Variants in NINL observed in about 807,000 individuals in gnomAD.
NINL encodes the protein ninein-like protein.
Under a neutral mutation model 160.3 loss-of-function variants are expected in NINL, and 153 were observed. The ratio of observed to expected loss-of-function variants is 0.95; its 90% CI spans 0.84 to 1.09. The LOEUF (loss-of-function observed/expected upper bound fraction) is 1.09, where lower values mean the gene tolerates loss of function less well. Among genes scored for constraint, NINL ranks in the 50% least tolerant of loss-of-function variants. NINL has a pLI of 0.00. For missense variants in NINL, 1,829 were observed against 1,764.0 expected (o/e 1.04, Z -0.66); for synonymous variants, 800 against 734.8 (o/e 1.09, Z -1.43).
chr20:25,501,001 C>T lies in NINL; in HGVS notation c.871G>A (p.Glu291Lys), dbSNP rs746094175. 13 of 1,613,752 alleles carry T rather than the reference C, an allele frequency of 8.1e-6. No individual in the cohort carries two copies. The highest frequency in any genetic ancestry group is 2.7e-5 in the African/African-American group (2 of 74,930). ...KAWSHYQVPE[E>K]SGCHTTTTSS... The stretch of plus-strand genomic sequence containing the variant: ...GTTGTGGTGGTGTGGCAGCCGCTCT[C>T]CTCTGGGACCTGCATGTCAGGAAGA... Residue 291 changes from glutamate to lysine, a missense_variant, in exon 8 of 24, where the codon GAG becomes AAG. Glu to Lys is a moderately conservative substitution (Grantham distance 56, BLOSUM62 1). Transcript: ENST00000278886.
intron 1 of NINL, among the ~76,000 whole-genome samples, chr20:25,561,202 G>A (rs1051636100): frequency 3.3e-4 from 50 of 152,170 alleles, no homozygotes; most frequent in Non-Finnish European, 6.2e-4. Context: ...ACGCCTGACG[G>A]GTTTTCCTAT....
intron 1 of NINL, among the ~76,000 whole-genome samples, chr20:25,548,830 C>A (rs1178087453): frequency 4.9e-5 from 7 of 141,978 alleles, no homozygotes; most frequent in Admixed American, 4.2e-4. Flanking sequence ...CATGGCCACA[C>A]CTCCCACATC....
chr20:25,505,113 T>G (rs767791080), intron 5 of NINL, 35 bp from the exon 6 acceptor site: 11 of 1,513,462 alleles, frequency 7.3e-6, no homozygotes, highest in Middle Eastern at 1.8e-4. Context: ...TACACCCTGA[T>G]ACATACACAA....
intron 21 of NINL, among the ~76,000 whole-genome samples, chr20:25,460,453 C>A (rs1003618720): frequency 3.9e-5 from 6 of 152,172 alleles, no homozygotes; most frequent in African/African-American, 1.4e-4. Flanking sequence ...GGAATGCTCT[C>A]CCTTGGCCCC....
Position 25,541,107 on chromosome 20 carries a change from T to C in NINL, c.-11-14509A>G, listed in dbSNP as rs7274976. ...ATGTTAAAACTGTCCTAGAACACCT[T>C]TCTGTGGTCTCCTAAAAAAAGACAC... On this transcript the variant is annotated intron_variant, in intron 1 of 23. Transcript: ENST00000278886. Among the ~76,000 whole-genome samples the C allele has an allele frequency of 6.5e-3, 990 of 152,274 alleles. 16 individuals are homozygous for C. Among genetic ancestry groups the C allele is most frequent in the African/African-American group, 0.023 (949 of 41,538 alleles).
chr20:25,533,459 G>A (rs889819567), intron 1 of NINL, among the ~76,000 whole-genome samples: 2 of 151,998 alleles, frequency 1.3e-5, no homozygotes, highest in Admixed American at 6.6e-5. Context: ...CAGCAGAATC[G>A]GAAGACAAGG....
chr20:25,524,212 C>T (rs549912379), intron 2 of NINL, among the ~76,000 whole-genome samples: 41 of 152,254 alleles, frequency 2.7e-4, no homozygotes, highest in African/African-American at 9.1e-4. Flanking sequence ...CAACCATCTC[C>T]GAGGAGACAG....
chr20:25,489,010 C>A lies in NINL; in HGVS notation c.1677+234G>T, dbSNP rs1043820466. The stretch of plus-strand genomic sequence containing the variant: ...GCCCAGGAAAGCTAAACATGAACAA[C>A]AGAAGACAACAATGCCCTGCATGGT... On this transcript the variant is annotated intron_variant, in intron 13 of 23. Coordinates refer to ENST00000278886, the MANE Select transcript of NINL (RefSeq NM_025176.6). 7.4e-6 allele frequency: 4 copies of A among 537,542 alleles called. No individual in the cohort carries two copies. In the South Asian group the frequency reaches 9.8e-5, roughly 13 times the overall value. 33.3% of individuals were successfully genotyped at this position (537,542 alleles called of 1,614,324 possible). A position where few individuals can be genotyped will look rare whatever the true frequency, so the allele number is the denominator to read the frequency against.
chr20:25,496,442 C>T (rs972774919), intron 10 of NINL, among the ~76,000 whole-genome samples: 2 of 152,214 alleles, frequency 1.3e-5, no homozygotes, highest in African/African-American at 4.8e-5. Context: ...CCCATGGGGA[C>T]GTAGCCAGGG....
At chr20:25,480,933 T>C (rs1033896108) in intron 14 of NINL, among the ~76,000 whole-genome samples, 1 of 152,066 alleles carries the variant, frequency 6.6e-6, no homozygotes, top group Non-Finnish European at 1.5e-5. Context: ...CGGTGGGGTC[T>C]TGCACCTCCC....
chr20:25,540,080 C>T (rs2064636760), intron 1 of NINL: 1 of 1,275,508 alleles, frequency 7.8e-7, no homozygotes, highest in African/African-American at 1.5e-5. Context: ...TATTAATACT[C>T]CTTGGTATTC....
intron 1 of NINL, among the ~76,000 whole-genome samples, chr20:25,561,890 C>T (rs1479371434): frequency 1.9e-4 from 29 of 151,868 alleles, no homozygotes; most frequent in African/African-American, 6.8e-4. Flanking sequence ...CCACCCCGTC[C>T]GGAAGGGAGG....
At chr20:25,568,537 T>C (rs1052443645) in intron 1 of NINL, among the ~76,000 whole-genome samples, 2 of 151,856 alleles carry the variant, frequency 1.3e-5, no homozygotes, top group Non-Finnish European at 2.9e-5. Context: ...GCCTCCTGAG[T>C]AGCTGTGACT....
rs1475238431 is a variant in NINL, at chr20:25,504,090, C to T, written c.723G>A (p.Leu241=). 22 of 1,582,378 alleles carry T rather than the reference C, an allele frequency of 1.4e-5. No individual in the cohort carries two copies. The highest frequency in any genetic ancestry group is 1.9e-5 in the Non-Finnish European group (22 of 1,165,362). Residue 241 remains leucine, a synonymous_variant, in exon 7 of 24, where the codon CTG becomes CTA. Coordinates refer to ENST00000278886, the MANE Select transcript of NINL (RefSeq NM_025176.6). The part of the protein sequence containing the change: ...QGLEKEELED[L]FNKLDQDGDG... ...CTCCGTCTTGATCCAGTTTGTTAAA[C>T]AGGTCTTCGAGTTCCTAAACAAAAG...
rs763259150 is a variant in NINL, at chr20:25,476,240, G to C, written c.3051C>G (p.Ala1017=). 9.3e-6 allele frequency: 15 copies of C among 1,614,042 alleles called. No individual in the cohort carries two copies. Among genetic ancestry groups the C allele is most frequent in the Non-Finnish European group, 1.2e-5 (14 of 1,179,986 alleles). ...GGTGGGATGGCAAGGACCCTCTCCT[G>C]GCAACCTCCACACTGTGCTTGTGAC... ...PGCHKHSVEV[A]RRGSLPSHLQ... The change falls in exon 17 of 24, where the codon GCC becomes GCG. Residue 1017 remains alanine, a synonymous_variant. Coordinates refer to ENST00000278886, the MANE Select transcript of NINL (RefSeq NM_025176.6).
intron 1 of NINL, among the ~76,000 whole-genome samples, chr20:25,531,022 C>G (rs1600286741): frequency 6.6e-6 from 1 of 151,474 alleles, no homozygotes; most frequent in African/African-American, 2.5e-5. Flanking sequence ...TTCATCCCTA[C>G]AGCTCAGCCA....
chr20:25,512,540 C>A (rs956501098), intron 4 of NINL, among the ~76,000 whole-genome samples: 2 of 152,164 alleles, frequency 1.3e-5, no homozygotes, highest in Non-Finnish European at 2.9e-5. Flanking sequence ...CCTTCCGCCA[C>A]GATTGTGAGT....
intron 7 of NINL, among the ~76,000 whole-genome samples, chr20:25,502,894 A>C (rs2063895499): frequency 6.6e-6 from 1 of 152,226 alleles, no homozygotes; most frequent in East Asian, 1.9e-4. Flanking sequence ...TCGTGAGTTA[A>C]TTAAACCTCT....
At chr20:25,491,319 C>G in intron 11 of NINL, 32 bp downstream of exon 11, 1 of 1,581,180 alleles carries the variant, frequency 6.3e-7, no homozygotes, top group Non-Finnish European at 8.6e-7. Flanking sequence ...GGCACCCCCC[C>G]AGCTTCCTGG....
Sources: allele counts gnomAD v4.1 joint callset (sites outside exome capture counted in the v4.1 genomes callset), GRCh38; gene constraint gnomAD v4.1.1; transcripts MANE v1.5; gene names NCBI Gene and HGNC (gene_info 2026-07-23, HGNC 2026-07-21).